Variants in WNT7B observed in about 807,000 individuals in gnomAD.
WNT7B encodes the protein Wnt family member 7B.
A neutral mutation model predicts 38.2 loss-of-function variants in WNT7B; 19 were observed. That is an observed-to-expected ratio of 0.50 (90% CI 0.35 to 0.73). The LOEUF is 0.73. Ranked by LOEUF, WNT7B falls within the 30% of genes least tolerant of loss-of-function variation. WNT7B has a pLI of 0.01. For missense variants in WNT7B, 423 were observed against 507.9 expected (o/e 0.83, Z 1.61); for synonymous variants, 243 against 209.3 (o/e 1.16, Z -1.39).
At chr22:45,925,522 CT>C (rs1931055965) in intron 3 of WNT7B, 28 of 985,208 alleles carry the variant, frequency 2.8e-5, no homozygotes, top group Non-Finnish European at 2.8e-5. Context: ...AGAGCCTGGA[CT>C]GCGTGTCTGG....
rs1051139755 is a variant in WNT7B at position 45,951,898 on chromosome 22, G to A, written c.72-1752C>T. On this transcript the variant is annotated intron_variant, in intron 1 of 3. Coordinates refer to ENST00000339464, the MANE Select transcript of WNT7B (RefSeq NM_058238.3). This position sits in a 1 kb window ranked among gnomAD's most constrained non-coding sequence, Gnocchi z 4.8. ...TTCAGTCTCTGGGGCATGGACCTAT[G>A]AGTTGCTGGGTCAGGTGGTCCCTTC... Among the ~76,000 whole-genome samples the A allele has an allele frequency of 1.1e-4, 17 of 152,210 alleles. No individual in the cohort carries two copies. The highest frequency in any genetic ancestry group is 1.9e-4 in the Non-Finnish European group (13 of 68,046).
At position 45,964,919 on chromosome 22, in the gene WNT7B, C is replaced by T. The variant is rs141031186; in HGVS notation, c.71+11765G>A. Among the ~76,000 whole-genome samples the T allele has an allele frequency of 3.8e-3, 582 of 152,284 alleles. 4 individuals carry two copies. The highest frequency in any genetic ancestry group is 0.013 in the African/African-American group (547 of 41,556). ...TCCTCTCCTCAGCCCTGGAGTGTCCCGGGCCCTGCATCTGCAGCTGGTGGG... is the reference window on the plus strand; with the variant it reads ...TCCTCTCCTCAGCCCTGGAGTGTCCTGGGCCCTGCATCTGCAGCTGGTGGG... On this transcript the variant is annotated intron_variant, in intron 1 of 3. Coordinates refer to ENST00000339464, the MANE Select transcript of WNT7B (RefSeq NM_058238.3).
At chr22:45,950,187 C>T (rs13303238) in intron 1 of WNT7B, 41 bp from the exon 2 acceptor site, 1 of 1,558,308 alleles carries the variant, frequency 6.4e-7, no homozygotes, top group Non-Finnish European at 8.8e-7. Flanking sequence ...ACGGCGGCGG[C>T]CAGCGCCCCT....
At chr22:45,957,996 G>C (rs1005651059) in intron 1 of WNT7B, among the ~76,000 whole-genome samples, 1 of 152,238 alleles carries the variant, frequency 6.6e-6, no homozygotes, top group Non-Finnish European at 1.5e-5. Context: ...CAGCTCCCAC[G>C]CAGCGAGAAG....
chr22:45,944,207 T>C (rs28703100), intron 2 of WNT7B, among the ~76,000 whole-genome samples: 3,426 of 152,246 alleles, frequency 0.023, 153 homozygotes, highest in African/African-American at 0.079. Context: ...CTCTCAGGGC[T>C]CCGCTGGGGA....
intron 2 of WNT7B, among the ~76,000 whole-genome samples, chr22:45,942,578 G>A (rs921656013): frequency 7.9e-5 from 12 of 152,244 alleles, no homozygotes; most frequent in Admixed American, 7.8e-4. Context: ...CTGCAATCCT[G>A]ACCTGGACCA....
In WNT7B at chr22:45,965,419, T is replaced by G. The variant is rs1386560944; in HGVS notation, c.71+11265A>C. Among the ~76,000 whole-genome samples the G allele has an allele frequency of 6.6e-6, 1 of 152,068 alleles. No individual in the cohort carries two copies. Among genetic ancestry groups the G allele is most frequent in the Non-Finnish European group, 1.5e-5 (1 of 68,006 alleles). On this transcript the variant is annotated intron_variant, in intron 1 of 3. Coordinates refer to ENST00000339464, the MANE Select transcript of WNT7B (RefSeq NM_058238.3). This position sits in a 1 kb window ranked among gnomAD's most constrained non-coding sequence, Gnocchi z 6.5. ...GATAACCCACCCGCGGGGGCTGCCG[T>G]CACGCTGTGGGCATGAAGGGAAAGT...
At chr22:45,968,328 G>C (rs531207032) in intron 1 of WNT7B, among the ~76,000 whole-genome samples, 2 of 152,264 alleles carry the variant, frequency 1.3e-5, no homozygotes, top group African/African-American at 4.8e-5. Flanking sequence ...CCTGATAGCT[G>C]AGAATGGCCT....
At chr22:45,934,039 C>G (rs1043967405) in intron 2 of WNT7B, among the ~76,000 whole-genome samples, 1 of 152,372 alleles carries the variant, frequency 6.6e-6, no homozygotes, top group East Asian at 1.9e-4. Context: ...TCTCCACATG[C>G]GCCGGGCGCA....
intron 2 of WNT7B, among the ~76,000 whole-genome samples, chr22:45,932,156 T>A (rs1931383712): frequency 6.6e-6 from 1 of 152,154 alleles, no homozygotes; most frequent in African/African-American, 2.4e-5. Context: ...CGCTGGCACC[T>A]TCACTGCTCC....
At chr22:45,927,682 G>C (rs1931133440) in intron 3 of WNT7B, 1 of 705,334 alleles carries the variant, frequency 1.4e-6, no homozygotes, top group Admixed American at 2.0e-5. Context: ...GATCACCTGA[G>C]GTTAGGGGTT....
intron 3 of WNT7B, among the ~76,000 whole-genome samples, chr22:45,928,080 T>C (rs975583497): frequency 2.6e-5 from 4 of 152,190 alleles, no homozygotes; most frequent in Admixed American, 2.0e-4. Flanking sequence ...ACCTCGATTT[T>C]GGACTTGGGG....
chr22:45,949,291 C>T (rs751765803), intron 2 of WNT7B, among the ~76,000 whole-genome samples: 1 of 152,142 alleles, frequency 6.6e-6, no homozygotes, highest in South Asian at 2.1e-4. Context: ...TGGCAGGTTT[C>T]GGTGATTGCT....
intron 1 of WNT7B, among the ~76,000 whole-genome samples, chr22:45,964,115 C>A (rs971062448): frequency 2.0e-5 from 3 of 152,014 alleles, no homozygotes; most frequent in African/African-American, 7.3e-5. Context: ...GACTGTGTCC[C>A]ACAGGTCCCC....
At position 45,976,869 on chromosome 22, in the gene WNT7B, C is replaced by A; in HGVS notation, c.-115G>T. On this transcript the variant is annotated 5_prime_UTR_variant, in exon 1 of 4. Coordinates refer to ENST00000339464, the MANE Select transcript of WNT7B (RefSeq NM_058238.3). The surrounding 1 kb of genome is among the most constrained non-coding windows in gnomAD (Gnocchi z 8.5). ...GGCAGACTGCGCTCAGCCCGCGCTG[C>A]GGCTCGGGCGGCCGGCGACGCGCGG... The A allele has an allele frequency of 9.7e-7, 1 of 1,033,478 alleles. No individual in the cohort carries two copies. The highest frequency in any genetic ancestry group is 1.2e-6 in the Non-Finnish European group (1 of 855,718). 64.0% of individuals were successfully genotyped at this position (1,033,478 alleles called of 1,614,324 possible).
chr22:45,960,282 G>A (rs1932166181), intron 1 of WNT7B, among the ~76,000 whole-genome samples: 1 of 152,152 alleles, frequency 6.6e-6, no homozygotes, highest in African/African-American at 2.4e-5. Context: ...GCTCTCCACT[G>A]CAGAGACCCC....
In WNT7B at chr22:45,942,955, G is replaced by A. The variant is rs529680145; in HGVS notation, c.298+6965C>T. Among the ~76,000 whole-genome samples, 3 of 150,832 alleles carry A rather than the reference G, an allele frequency of 2.0e-5. No individual in the cohort carries two copies. In the East Asian group the frequency reaches 5.8e-4, roughly 29 times the overall value. ...ATGTGTGTAGGCGTGTATGTGTGCA[G>A]TGTGCATGTGTGTGTGCGTGTGTGC... On this transcript the variant is annotated intron_variant, in intron 2 of 3. Coordinates refer to ENST00000339464, the MANE Select transcript of WNT7B (RefSeq NM_058238.3).
chr22:45,932,451 C>T (rs1347267890), intron 2 of WNT7B, among the ~76,000 whole-genome samples: 1 of 151,910 alleles, frequency 6.6e-6, no homozygotes, highest in African/African-American at 2.4e-5. Flanking sequence ...TGGTACCTGA[C>T]CCTTCAGTTC....
chr22:45,931,407 G>A (rs372709964), intron 2 of WNT7B, 38 bp from the exon 3 acceptor site: 8 of 1,541,216 alleles, frequency 5.2e-6, no homozygotes, highest in Non-Finnish European at 4.4e-6. Context: ...GAGACCCCAG[G>A]CCCTGGGCCA....
Sources: gnomAD v4.1 joint callset for allele counts (sites outside exome capture counted in the v4.1 genomes callset) on GRCh38, gnomAD v4.1.1 for gene constraint, Gnocchi (gnomAD v3.1) non-coding constraint, MANE v1.5 for transcripts, NCBI Gene and HGNC (gene_info 2026-07-23, HGNC 2026-07-21) for gene names.